The following PRKG1 variants were observed in gnomAD, a reference collection of about 807,000 sequenced individuals.
PRKG1 encodes cGMP-dependent protein kinase 1.
A neutral mutation model predicts 88.1 loss-of-function variants in PRKG1; 35 were observed. The observed-to-expected ratio is 0.40, with a 90% CI of 0.30 to 0.53. The LOEUF (loss-of-function observed/expected upper bound fraction) is 0.53, where lower values mean the gene tolerates loss of function less well. Ranked by LOEUF, PRKG1 falls within the 20% of genes least tolerant of loss-of-function variation. PRKG1 has a pLI of 0.59. For synonymous variants in PRKG1, 303 were observed against 292.5 expected (o/e 1.04, Z -0.37); for missense variants, 540 against 839.8 (o/e 0.64, Z 4.41).
At chr10:52,171,518 A>G (rs950435020) in intron 9 of PRKG1, among the ~76,000 whole-genome samples, 11 of 152,258 alleles carry the variant, frequency 7.2e-5, no homozygotes, top group African/African-American at 2.2e-4. Context: ...GTTGGCCCTG[A>G]ACTAATATGC....
At chr10:51,420,371 A>C (rs74762746) in intron 2 of PRKG1, among the ~76,000 whole-genome samples, 3,293 of 152,264 alleles carry the variant, frequency 0.022, 109 homozygotes, top group African/African-American at 0.074. Context: ...ATTCAACAGA[A>C]TTTGTTGGGA....
At chr10:52,027,021 C>G (rs112856254) in intron 5 of PRKG1, among the ~76,000 whole-genome samples, 548 of 140,598 alleles carry the variant, frequency 3.9e-3, no homozygotes, top group African/African-American at 0.016. Flanking sequence ...TGAATTATAT[C>G]TCAATTTAAA....
intron 3 of PRKG1, among the ~76,000 whole-genome samples, chr10:51,534,558 C>T (rs1157741248): frequency 2.1e-5 from 1 of 46,928 alleles, no homozygotes. Flanking sequence ...GTCCCAGCTA[C>T]TCGGGAGCTG....
chr10:51,287,781 T>C (rs1840480597), intron 2 of PRKG1, among the ~76,000 whole-genome samples: 1 of 152,178 alleles, frequency 6.6e-6, no homozygotes, highest in African/African-American at 2.4e-5. Context: ...CCACAGTTAT[T>C]AAACTAAGAG....
intron 4 of PRKG1, among the ~76,000 whole-genome samples, chr10:51,899,671 GTATATATATATATA>G (rs57320165): frequency 8.3e-6 from 1 of 120,408 alleles, no homozygotes; most frequent in Non-Finnish European, 1.7e-5. Context: ...AAAGAAAAAT[GTATATATATATATA>G]TATATATATA....
chr10:51,991,847 A>C (rs758279780), intron 5 of PRKG1, among the ~76,000 whole-genome samples: 1 of 152,216 alleles, frequency 6.6e-6, no homozygotes, highest in African/African-American at 2.4e-5. Flanking sequence ...ATACGTGTGC[A>C]TGTGTCTTTA....
chr10:51,645,354 G>A (rs182062527), intron 3 of PRKG1, among the ~76,000 whole-genome samples: 1 of 152,212 alleles, frequency 6.6e-6, no homozygotes, highest in East Asian at 1.9e-4. Flanking sequence ...AAAACATTTT[G>A]CAACAACATC....
intron 2 of PRKG1, among the ~76,000 whole-genome samples, chr10:51,392,686 C>T (rs1471195092): frequency 6.6e-6 from 1 of 151,692 alleles, no homozygotes; most frequent in African/African-American, 2.4e-5. Flanking sequence ...CAGAGGGGCT[C>T]CTCACTTCCC....
chr10:51,177,303 G>A (rs576874792), intron 2 of PRKG1, among the ~76,000 whole-genome samples: 1 of 152,272 alleles, frequency 6.6e-6, no homozygotes, highest in Non-Finnish European at 1.5e-5. Context: ...CAAAATGGAT[G>A]AATTTAAAGT....
At chr10:51,072,453 A>T (rs772898174), upstream of PRKG1, among the ~76,000 whole-genome samples, 14 of 152,182 alleles carry the variant, frequency 9.2e-5, no homozygotes, top group Non-Finnish European at 1.9e-4. Context: ...GGAAATTTTC[A>T]TGGAAGCTTT....
chr10:52,136,769 C>T (rs1277601670), intron 8 of PRKG1, among the ~76,000 whole-genome samples: 2 of 152,046 alleles, frequency 1.3e-5, no homozygotes, highest in African/African-American at 4.8e-5. Context: ...CCTCTTCTTA[C>T]AGAAGGCATA....
At chr10:51,036,874 A>G (rs1361613446) in intron 1 of PRKG1, among the ~76,000 whole-genome samples, 4 of 152,188 alleles carry the variant, frequency 2.6e-5, no homozygotes. Context: ...TGCATTCAAT[A>G]GTTGCAATTC....
rs4480486 is a variant in PRKG1 at position 51,707,581 on chromosome 10, G to A, written c.593-97004G>A. Among the ~76,000 whole-genome samples the A allele has an allele frequency of 2.6e-3, 386 of 148,946 alleles. 12 individuals carry two copies. In the East Asian group the frequency reaches 0.069, roughly 27 times the overall value. On this transcript the variant is annotated intron_variant, in intron 3 of 17. Transcript: ENST00000373980. ...AGATACCCTATTTAAGTGGAACAAC[G>A]CATGAATCTTTTTTTTTTTTCCTGT...
At chr10:51,308,641 A>G (rs960816734) in intron 2 of PRKG1, among the ~76,000 whole-genome samples, 1 of 152,198 alleles carries the variant, frequency 6.6e-6, no homozygotes, top group Non-Finnish European at 1.5e-5. Flanking sequence ...AAACTAGATC[A>G]TGTGAGATAT....
intron 4 of PRKG1, among the ~76,000 whole-genome samples, chr10:51,808,609 C>A (rs1839369963): frequency 6.6e-6 from 1 of 151,994 alleles, no homozygotes; most frequent in African/African-American, 2.4e-5. Context: ...TCTCAAAAAA[C>A]AAAAACAGAA....
At chr10:51,742,444 G>T (rs1430355806) in intron 3 of PRKG1, among the ~76,000 whole-genome samples, 2 of 152,158 alleles carry the variant, frequency 1.3e-5, no homozygotes, top group African/African-American at 4.8e-5. Flanking sequence ...TAAGACACTT[G>T]TTGAGAGACT....
chr10:51,591,760 A>G lies in PRKG1; in HGVS notation c.592+123924A>G, dbSNP rs552892247. The stretch of plus-strand genomic sequence containing the variant: ...TCCACCTAGAGTCTGATTTTCAATT[A>G]GACAAAAAAAAGAGATCCAGAATCT... On this transcript the variant is annotated intron_variant, in intron 3 of 17. Coordinates refer to ENST00000373980, the MANE Select transcript of PRKG1 (RefSeq NM_006258.4). Among the ~76,000 whole-genome samples the G allele has an allele frequency of 1.4e-4, 21 of 152,332 alleles. No individual in the cohort carries two copies. The South Asian group carries it at 4.4e-3, about 32-fold the overall frequency.
intron 4 of PRKG1, among the ~76,000 whole-genome samples, chr10:51,901,740 G>A (rs752255027): frequency 6.6e-6 from 1 of 152,064 alleles, no homozygotes; most frequent in Non-Finnish European, 1.5e-5. Flanking sequence ...AACTTAGCTG[G>A]CATGATAATC....
intron 4 of PRKG1, among the ~76,000 whole-genome samples, chr10:51,812,289 G>A (rs1839476703): frequency 1.3e-5 from 2 of 152,138 alleles, no homozygotes; most frequent in Admixed American, 6.5e-5. Context: ...AAAAGTTGTC[G>A]AGATGCTTAA....
Sources: gnomAD v4.1 joint callset for allele counts (sites outside exome capture counted in the v4.1 genomes callset) on GRCh38, gnomAD v4.1.1 for gene constraint, MANE v1.5 for transcripts, NCBI Gene and HGNC (gene_info 2026-07-23, HGNC 2026-07-21) for gene names.